Variants in NBPF26 observed in about 807,000 individuals in gnomAD.
The protein encoded by NBPF26 is NBPF member 26.
NBPF26 carries 79 observed loss-of-function variants against 119.6 expected under a neutral mutation model. That is an observed-to-expected ratio of 0.66 (90% confidence interval 0.55 to 0.80). The LOEUF is 0.80. Ranked by LOEUF, NBPF26 falls within the 30% of genes least tolerant of loss-of-function variation. The probability of loss-of-function intolerance (pLI) is 0.00; values close to 1 mark genes in which losing one functional copy is unlikely to be tolerated. For synonymous variants in NBPF26, 299 were observed against 457.7 expected, an observed-to-expected ratio of 0.65 and a Z score of 4.43; for missense variants, 800 against 1,198.2, an observed-to-expected ratio of 0.67 and a Z score of 4.91.
chr1:120,812,001 G>A lies in NBPF26; in HGVS notation c.1680G>A (p.Gln560=), dbSNP rs1553271060. 4 of 1,285,218 alleles carry A rather than the reference G, an allele frequency of 3.1e-6. 1 individual carries two copies. The highest frequency in any genetic ancestry group is 4.2e-6 in the Non-Finnish European group (4 of 941,340). 79.6% of individuals were successfully genotyped at this position (1,285,218 alleles called of 1,614,324 possible). A position where few individuals can be genotyped will look rare whatever the true frequency, so the allele number is the denominator to read the frequency against. ...AAATCAATGAGAAATTGCGCCCCCA[G>A]CTGGCAGAGAAGAAACAGCAGTTCA... is the stretch of plus-strand genomic sequence containing the variant. Residue 560 remains glutamine (Q), a synonymous_variant, in exon 10 of 30, where the codon CAG becomes CAA. Coordinates refer to ENST00000620612, the Ensembl canonical transcript of NBPF26.
At chr1:120,750,497 G>A (rs1174950420) in intron 1 of NBPF26, among the ~76,000 whole-genome samples, 3 of 107,090 alleles carry the variant, frequency 2.8e-5, no homozygotes, top group Non-Finnish European at 5.2e-5. Flanking sequence ...ATATTCTGTG[G>A]AGTACTATCA....
chr1:120,770,579 T>C (rs1397653568), intron 2 of NBPF26, among the ~76,000 whole-genome samples: 1 of 119,418 alleles, frequency 8.4e-6, no homozygotes, highest in Non-Finnish European at 1.6e-5. Context: ...CATTATTGCA[T>C]ATTAGGGTCT....
chr1:120,790,156 C>A (rs1651468299), intron 3 of NBPF26, among the ~76,000 whole-genome samples: 1 of 100,226 alleles, frequency 1.0e-5, no homozygotes, highest in African/African-American at 6.8e-5. Flanking sequence ...GCTGGGACTA[C>A]AGGCACCTAC....
At chr1:120,726,764 G>T in intron 1 of NBPF26, among the ~76,000 whole-genome samples, 1 of 110,898 alleles carries the variant, frequency 9.0e-6, no homozygotes. Flanking sequence ...TTTTTGGTGT[G>T]GTGGAGAGGA....
At chr1:120,789,570 T>C (rs1428079303) in intron 3 of NBPF26, among the ~76,000 whole-genome samples, 2 of 98,788 alleles carry the variant, frequency 2.0e-5, no homozygotes. Context: ...CAGGAAAGAC[T>C]GGCCCCCATG....
intron 1 of NBPF26, among the ~76,000 whole-genome samples, chr1:120,751,619 C>T (rs1651021907): frequency 1.7e-5 from 1 of 59,380 alleles, no homozygotes; most frequent in South Asian, 4.1e-4. Flanking sequence ...TGCTCTTTCT[C>T]TCTTCCCTTT....
Position 120,747,720 on chromosome 1 carries a change from C to T in NBPF26, c.74-15908C>T, listed in dbSNP as rs1158428564. 6.6e-5 allele frequency among the ~76,000 whole-genome samples: 2 copies of T among 30,264 alleles called. 1 individual carries two copies. The highest frequency in any genetic ancestry group is 8.0e-4 in the African/African-American group (2 of 2,502). 19.9% of individuals were successfully genotyped at this position (30,264 alleles called of 152,430 possible). On this transcript the variant is annotated intron_variant, in intron 1 of 29. Transcript: ENST00000620612. ...AGTGGATGGTCTTACACCTCCCCTG[C>T]TTCTGGGATACGCACACCTAATTTT...
Position 120,802,667 on chromosome 1 carries a change from G to C in NBPF26, c.752-2889G>C, listed in dbSNP as rs1651595531. Among the ~76,000 whole-genome samples, 2 of 118,994 alleles carry C rather than the reference G, an allele frequency of 1.7e-5. 1 individual carries two copies. Among genetic ancestry groups the C allele is most frequent in the South Asian group, 4.9e-4 (2 of 4,092 alleles). 78.1% of individuals were successfully genotyped at this position (118,994 alleles called of 152,430 possible). ...AGCTTACAAGAAAAGGAATCATACT[G>C]CTAAGAATTCAAACTTCAGCAGTCA... On this transcript the variant is annotated intron_variant, in intron 4 of 29. Transcript: ENST00000620612.
intron 1 of NBPF26, among the ~76,000 whole-genome samples, chr1:120,759,870 C>G (rs1368735206): frequency 9.1e-6 from 1 of 109,548 alleles, no homozygotes; most frequent in Non-Finnish European, 1.7e-5. Flanking sequence ...GTACAATACC[C>G]TATTATTAAC....
At position 120,812,921 on chromosome 1, in the gene NBPF26, A is replaced by AAATAAT. The variant is rs1209954653; in HGVS notation, c.1774+859_1774+864dup. 5.1e-3 allele frequency among the ~76,000 whole-genome samples: 571 copies of AAATAAT among 111,324 alleles called. 62 individuals are homozygous for AAATAAT. The highest frequency in any genetic ancestry group is 0.046 in the East Asian group (211 of 4,612). 73.0% of individuals were successfully genotyped at this position (111,324 alleles called of 152,430 possible). On this transcript the variant is annotated intron_variant, in intron 10 of 29. Coordinates refer to ENST00000620612, the Ensembl canonical transcript of NBPF26. ...CTGGGCGACAGGGCAAGACTGCTAA[A>AAATAAT]AATAATAATAATAATAATAATAATA... is the stretch of plus-strand genomic sequence containing the variant.
At chr1:120,759,688 T>C (rs1190090296) in intron 1 of NBPF26, among the ~76,000 whole-genome samples, 4 of 110,382 alleles carry the variant, frequency 3.6e-5, no homozygotes, top group Non-Finnish European at 6.8e-5. Context: ...GTCTCAAGAT[T>C]ATTTTTCTTT....
rs1217025442 is a variant in NBPF26, at chr1:120,840,291, G to T, written c.4104-59G>T. 9 of 1,443,268 alleles carry T rather than the reference G, an allele frequency of 6.2e-6. 1 individual carries two copies. In the African/African-American group the frequency reaches 7.9e-5, roughly 13 times the overall value. The allele number at this position is 1,443,268 out of a possible 1,614,324, so 89.4% of individuals were successfully genotyped here. Reference sequence around the variant, plus strand: ...CCTTATGTTACTTCTGAAATCTAGTGGGGCTCTGTGGTGTCCGATTTTCCC... The same window carrying T: ...CCTTATGTTACTTCTGAAATCTAGTTGGGCTCTGTGGTGTCCGATTTTCCC... On this transcript the variant is annotated intron_variant, in intron 29 of 29. Coordinates refer to ENST00000620612, the Ensembl canonical transcript of NBPF26.
chr1:120,813,388 A>G (rs1490581821), intron 10 of NBPF26, among the ~76,000 whole-genome samples: 1 of 127,594 alleles, frequency 7.8e-6, no homozygotes, highest in Non-Finnish European at 1.6e-5. Flanking sequence ...TGCTTCAGAT[A>G]TGATTCTTAA....
At chr1:120,818,473 C>G (rs1652058603) in intron 15 of NBPF26, among the ~76,000 whole-genome samples, 1 of 123,226 alleles carries the variant, frequency 8.1e-6, no homozygotes, top group African/African-American at 4.0e-5. Flanking sequence ...TTTTTTGTGT[C>G]TCTCTCTCCT....
rs1353903876 is a variant in NBPF26, at chr1:120,724,218, C to A, written c.41C>A (p.Ala14Glu). 5.0e-6 allele frequency: 7 copies of A among 1,406,742 alleles called. 1 individual carries two copies. In the East Asian group the frequency reaches 7.3e-5, roughly 15 times the overall value. The allele number at this position is 1,406,742 out of a possible 1,614,324, so 87.1% of individuals were successfully genotyped here. The stretch of plus-strand genomic sequence containing the variant: ...CCCGCTCTGCTGTGGGCGCTGCTGG[C>A]GCTCTGGCTGTGCTGGGCGGCCCCC... The change falls in exon 1 of 30, where the codon GCG (alanine) becomes GAG (glutamate). Residue 14 changes from alanine to glutamate, a missense_variant. Ala to Glu is a moderately radical substitution (Grantham distance 107, BLOSUM62 -1). Transcript: ENST00000620612.
At chr1:120,777,749 T>C (rs1651314966) in intron 2 of NBPF26, among the ~76,000 whole-genome samples, 2 of 95,746 alleles carry the variant, frequency 2.1e-5, no homozygotes, top group Admixed American at 2.0e-4. Context: ...TTCCCCTCTT[T>C]ACCAGGAAGT....
intron 1 of NBPF26, among the ~76,000 whole-genome samples, chr1:120,760,277 C>T (rs1651122140): frequency 1.3e-5 from 1 of 77,894 alleles, no homozygotes; most frequent in East Asian, 2.7e-4. Flanking sequence ...AACCTCCGCC[C>T]CCCAGGTTCA....
rs2101487400 is a variant in NBPF26, at chr1:120,804,677, G to A, written c.752-879G>A. ...ACAAGTTTAAAATGTAGTGCTCAGT[G>A]ACATTAAAAAACACATCAACCCACA... On this transcript the variant is annotated intron_variant, in intron 4 of 29. Coordinates refer to ENST00000620612, the Ensembl canonical transcript of NBPF26. Among the ~76,000 whole-genome samples the A allele has an allele frequency of 3.3e-5, 4 of 119,678 alleles. 1 individual carries two copies. In the East Asian group the frequency reaches 8.1e-4, roughly 24 times the overall value. 78.5% of individuals were successfully genotyped at this position (119,678 alleles called of 152,430 possible).
In NBPF26 at chr1:120,816,309, G is replaced by A; in HGVS notation, c.2165+152G>A. Reference sequence around the variant, plus strand: ...TAACCCAGCTTAGACACAGGGTGCGGTAGCTGTCATGTTTCTCTATGTGTG... The same window carrying A: ...TAACCCAGCTTAGACACAGGGTGCGATAGCTGTCATGTTTCTCTATGTGTG... On this transcript the variant is annotated intron_variant, in intron 13 of 29. Coordinates refer to ENST00000620612, the Ensembl canonical transcript of NBPF26. 5 of 768,606 alleles carry A rather than the reference G, an allele frequency of 6.5e-6. 1 individual carries two copies. Among genetic ancestry groups the A allele is most frequent in the Non-Finnish European group, 1.1e-5 (5 of 472,506 alleles). The allele number at this position is 768,606 out of a possible 1,614,324, so 47.6% of individuals were successfully genotyped here.
Sources: allele counts gnomAD v4.1 joint callset (sites outside exome capture counted in the v4.1 genomes callset), GRCh38; gene constraint gnomAD v4.1.1; transcripts MANE v1.5; gene names NCBI Gene and HGNC (gene_info 2026-07-23, HGNC 2026-07-21).